Variants in SLC13A1 observed in about 807,000 individuals in gnomAD.
SLC13A1 encodes Na(+)/sulfate cotransporter.
SLC13A1 carries 65 observed loss-of-function variants against 70.0 expected under a neutral mutation model. The observed-to-expected ratio is 0.93, with a 90% CI of 0.76 to 1.14. The LOEUF (loss-of-function observed/expected upper bound fraction) is 1.14, where lower values mean the gene tolerates loss of function less well. Among genes scored for constraint, SLC13A1 ranks in the 50% most tolerant of loss-of-function variants. The pLI is 0.00. For missense variants in SLC13A1, 726 were observed against 717.8 expected (o/e 1.01, Z -0.13); for synonymous variants, 275 against 250.5 (o/e 1.10, Z -0.92).
chr7:123,136,637 A>G lies in SLC13A1; in HGVS notation c.813-2108T>C, dbSNP rs183295048. Among the ~76,000 whole-genome samples the G allele has an allele frequency of 1.4e-3, 218 of 152,274 alleles. 1 individual carries two copies. The highest frequency in any genetic ancestry group is 4.8e-3 in the African/African-American group (201 of 41,552). ...CCAAGTGCCAGGTGCTCTCCAAGCT[A>G]CTGGGGACATAGTGGTGAATGAGAT... On this transcript the variant is annotated intron_variant, in intron 7 of 14. Transcript: ENST00000194130.
rs549074226 is a variant in SLC13A1 at position 123,170,469 on chromosome 7, A to G, written c.366-1134T>C. 2.3e-4 allele frequency among the ~76,000 whole-genome samples: 35 copies of G among 152,322 alleles called. 1 individual carries two copies. Among genetic ancestry groups the G allele is most frequent in the African/African-American group, 8.2e-4 (34 of 41,578 alleles). On this transcript the variant is annotated intron_variant, in intron 3 of 14. Coordinates refer to ENST00000194130, the MANE Select transcript of SLC13A1 (RefSeq NM_022444.4). The stretch of plus-strand genomic sequence containing the variant: ...AATTGAAGAGCCACTTAGTGGCATA[A>G]TGGACAGAACTTCTGCCCCACTGTG...
Position 123,114,260 on chromosome 7 carries a change from C to T in SLC13A1, c.*1258G>A, listed in dbSNP as rs770920084. 2 of 151,928 alleles carry T rather than the reference C, an allele frequency of 1.3e-5. No homozygotes were observed. Among genetic ancestry groups the T allele is most frequent in the South Asian group, 4.1e-4 (2 of 4,826 alleles). 9.4% of individuals were successfully genotyped at this position (151,928 alleles called of 1,614,324 possible). On this transcript the variant is annotated 3_prime_UTR_variant, in exon 15 of 15. Transcript: ENST00000194130. ...TTTTGGAATGCCAATAGCACTTACT[C>T]TTTAAAAATTTATTTATTGATATAT...
At chr7:123,167,117 A>G (rs576890738) in intron 6 of SLC13A1, among the ~76,000 whole-genome samples, 3 of 152,292 alleles carry the variant, frequency 2.0e-5, no homozygotes, top group African/African-American at 4.8e-5. Context: ...TAGCTCAACC[A>G]TTGTGGAAGT....
intron 7 of SLC13A1, among the ~76,000 whole-genome samples, chr7:123,143,675 A>G (rs980370288): frequency 3.3e-5 from 5 of 152,140 alleles, no homozygotes; most frequent in Admixed American, 3.3e-4. Context: ...ATATGAAATT[A>G]AAAGGAGCTA....
At chr7:123,188,525 T>C (rs1278725374) in intron 1 of SLC13A1, among the ~76,000 whole-genome samples, 1 of 152,180 alleles carries the variant, frequency 6.6e-6, no homozygotes, top group Non-Finnish European at 1.5e-5. Context: ...TGAATACCAG[T>C]GGAGTATTTT....
rs776194858 is a variant in SLC13A1 at position 123,119,144 on chromosome 7, A to G, written c.1449T>C (p.Ser483=). 3.7e-6 allele frequency: 6 copies of G among 1,612,728 alleles called. No homozygotes were observed. In the South Asian group the frequency reaches 6.6e-5, roughly 18 times the overall value. ...CTGGATTGCTGGCTACCTCAGTTAA[A>G]GATGTCACCATCAAAGAAGATATCA... The part of the protein sequence containing the change: ...IILISSLMVT[S]LTEVASNPAT... The change falls in exon 13 of 15, where the codon TCT becomes TCC. Residue 483 remains serine, a synonymous_variant. Coordinates refer to ENST00000194130, the MANE Select transcript of SLC13A1 (RefSeq NM_022444.4).
intron 3 of SLC13A1, among the ~76,000 whole-genome samples, chr7:123,169,641 A>G (rs1795197914): frequency 7.1e-6 from 1 of 140,134 alleles, no homozygotes; most frequent in South Asian, 2.2e-4. Context: ...ATATGACATA[A>G]CAGCTTATAA....
intron 2 of SLC13A1, among the ~76,000 whole-genome samples, chr7:123,174,520 T>C (rs894160698): frequency 3.9e-5 from 6 of 152,150 alleles, no homozygotes; most frequent in African/African-American, 1.4e-4. Context: ...TGTCCCTTTT[T>C]CTCTGTTTAC....
chr7:123,157,025 CA>C (rs1794735877), intron 6 of SLC13A1, among the ~76,000 whole-genome samples: 1 of 152,118 alleles, frequency 6.6e-6, no homozygotes, highest in Non-Finnish European at 1.5e-5. Context: ...GAGAAATCCA[CA>C]ACCTCTGACC....
chr7:123,160,033 C>A (rs552274027), intron 6 of SLC13A1, among the ~76,000 whole-genome samples: 1 of 152,002 alleles, frequency 6.6e-6, no homozygotes, highest in South Asian at 2.1e-4. Flanking sequence ...CCTGTAATCC[C>A]AGCACTTTGG....
intron 6 of SLC13A1, among the ~76,000 whole-genome samples, chr7:123,149,993 C>T (rs1235353890): frequency 6.6e-6 from 1 of 151,956 alleles, no homozygotes; most frequent in African/African-American, 2.4e-5. Context: ...TAAACCCAAC[C>T]ATTCTCTCTC....
chr7:123,160,858 T>C (rs992293295), intron 6 of SLC13A1, among the ~76,000 whole-genome samples: 1 of 151,906 alleles, frequency 6.6e-6, no homozygotes, highest in Non-Finnish European at 1.5e-5. Context: ...TCTAGTATAA[T>C]GGAAATCAGA....
chr7:123,181,177 G>GT, intron 1 of SLC13A1, 76 bp from the exon 2 acceptor site: 2 of 1,463,260 alleles, frequency 1.4e-6, no homozygotes, highest in Non-Finnish European at 1.9e-6. Flanking sequence ...AAACATGTTT[G>GT]CTTAATAGAG....
In SLC13A1 at chr7:123,115,649, C is replaced by T. The variant is rs895122121; in HGVS notation, c.1657G>A (p.Ala553Thr). ...GHLKVIDMVK[A>T]GLGVNIVGVA... ...CCAACAATGTTGACACCAAGTCCAG[C>T]TTTAACCTTGAACAGGAAAGAGCAT... Residue 553 changes from alanine (A) to threonine (T), a missense_variant, in exon 15 of 15, where the codon GCT (alanine) becomes ACT (threonine). Transcript: ENST00000194130. The T allele has an allele frequency of 1.3e-5, 21 of 1,613,550 alleles. No homozygotes were observed. Among genetic ancestry groups the T allele is most frequent in the Non-Finnish European group, 1.6e-5 (19 of 1,179,676 alleles).
rs151102888 is a variant in SLC13A1, at chr7:123,155,445, T to C, written c.661-8135A>G. Among the ~76,000 whole-genome samples the C allele has an allele frequency of 7.2e-5, 11 of 152,168 alleles. No individual in the cohort carries two copies. The East Asian group carries it at 2.1e-3, about 29-fold the overall frequency. The stretch of plus-strand genomic sequence containing the variant: ...TCATAAATACAAGTAATATATTTGT[T>C]TGCCTCTCTGATTATATTAATGATA... On this transcript the variant is annotated intron_variant, in intron 6 of 14. Transcript: ENST00000194130.
chr7:123,175,124 A>C (rs981595255), intron 2 of SLC13A1, among the ~76,000 whole-genome samples: 2 of 152,034 alleles, frequency 1.3e-5, no homozygotes, highest in Non-Finnish European at 2.9e-5. Context: ...ACAAACTGGC[A>C]CTCAATGGAT....
rs1291083579 is a variant in SLC13A1 at position 123,165,974 on chromosome 7, T to A, written c.660+2400A>T. ...CAAGGTAGACACATTCTTGCACTCA[T>A]GAGTTCGCACTCTTCTGCTTGCACA... On this transcript the variant is annotated intron_variant, in intron 6 of 14. Transcript: ENST00000194130. Among the ~76,000 whole-genome samples the A allele has an allele frequency of 4.6e-5, 7 of 152,048 alleles. No individual in the cohort carries two copies. The East Asian group carries it at 1.4e-3, about 30-fold the overall frequency.
intron 7 of SLC13A1, among the ~76,000 whole-genome samples, chr7:123,137,027 A>T (rs1292177524): frequency 1.3e-5 from 2 of 152,210 alleles, no homozygotes; most frequent in Admixed American, 6.5e-5. Context: ...GGATCAGATC[A>T]TGTATAACCT....
intron 6 of SLC13A1, among the ~76,000 whole-genome samples, chr7:123,152,517 C>A (rs1028665636): frequency 1.3e-5 from 2 of 151,988 alleles, no homozygotes; most frequent in African/African-American, 4.8e-5. Context: ...AGAAGAAATG[C>A]CATCTTCCAT....
Sources: gnomAD v4.1 joint callset for allele counts (sites outside exome capture counted in the v4.1 genomes callset) on GRCh38, gnomAD v4.1.1 for gene constraint, MANE v1.5 for transcripts, NCBI Gene and HGNC (gene_info 2026-07-23, HGNC 2026-07-21) for gene names.